Variants in FUT9 observed in about 807,000 individuals in gnomAD.
The protein encoded by FUT9 is fucosyltransferase 9.
Under a neutral mutation model 29.7 loss-of-function variants are expected in FUT9, and 15 were observed. The observed-to-expected ratio is 0.51, with a 90% CI of 0.34 to 0.78. FUT9 has a LOEUF of 0.78. FUT9 is among the 30% of genes least tolerant of loss of function. The pLI is 0.01. For synonymous variants in FUT9, 169 were observed against 153.7 expected, an observed-to-expected ratio of 1.10 and a Z score of -0.74; for missense variants, 319 against 425.4, an observed-to-expected ratio of 0.75 and a Z score of 2.20.
At chr6:96,055,972 A>C (rs914946733) in intron 1 of FUT9, among the ~76,000 whole-genome samples, 1 of 152,084 alleles carries the variant, frequency 6.6e-6, no homozygotes, top group Non-Finnish European at 1.5e-5. Flanking sequence ...TATCAAAATA[A>C]TATTTGAAGT....
At chr6:96,200,907 C>T (rs1413964292) in intron 2 of FUT9, among the ~76,000 whole-genome samples, 5 of 151,848 alleles carry the variant, frequency 3.3e-5, no homozygotes, top group Non-Finnish European at 5.9e-5. Flanking sequence ...AATCACATCA[C>T]GATCTATTTC....
At chr6:96,136,637 C>A (rs1026510967) in intron 2 of FUT9, among the ~76,000 whole-genome samples, 3 of 151,900 alleles carry the variant, frequency 2.0e-5, no homozygotes, top group Non-Finnish European at 2.9e-5. Context: ...AGACTTATAT[C>A]ATGCTTAGGA....
chr6:96,141,173 A>T (rs957007077), intron 2 of FUT9, among the ~76,000 whole-genome samples: 3 of 152,180 alleles, frequency 2.0e-5, no homozygotes, highest in Admixed American at 6.5e-5. Flanking sequence ...TTTAATGATA[A>T]GTTTCTTCTG....
chr6:96,016,965 G>C (rs1296881147), intron 1 of FUT9, among the ~76,000 whole-genome samples: 1 of 152,186 alleles, frequency 6.6e-6, no homozygotes, highest in African/African-American at 2.4e-5. Flanking sequence ...CATTGCTTAG[G>C]TTTGTTCTGT....
At chr6:96,185,860 CAGAGCA>C (rs2127987273) in intron 2 of FUT9, among the ~76,000 whole-genome samples, 1 of 152,120 alleles carries the variant, frequency 6.6e-6, no homozygotes, top group East Asian at 1.9e-4. Context: ...GGAATGAAAT[CAGAGCA>C]AAATATAAGA....
intron 2 of FUT9, among the ~76,000 whole-genome samples, chr6:96,186,669 C>T (rs1773411642): frequency 6.6e-6 from 1 of 151,968 alleles, no homozygotes. Flanking sequence ...AACCTGGAGC[C>T]CCACAAAAGC....
rs1197410165 is a variant in FUT9 at position 96,207,120 on chromosome 6, A to C, written c.*2885A>C. On this transcript the variant is annotated 3_prime_UTR_variant, in exon 3 of 3. Transcript: ENST00000302103. The stretch of plus-strand genomic sequence containing the variant: ...AGTTTTAGAGCTGGAAGGAATTATA[A>C]TTTTGTTGTTTATAATTGCTATAAT... 1 of 166,574 alleles carries C rather than the reference A, an allele frequency of 6.0e-6. No individual in the cohort carries two copies. The highest frequency in any genetic ancestry group is 1.9e-4 in the East Asian group (1 of 5,186). 10.3% of individuals were successfully genotyped at this position (166,574 alleles called of 1,614,324 possible).
intron 2 of FUT9, among the ~76,000 whole-genome samples, chr6:96,123,902 C>T (rs1474823573): frequency 6.6e-6 from 1 of 151,654 alleles, no homozygotes; most frequent in Non-Finnish European, 1.5e-5. Context: ...TTAATGCAAT[C>T]TTCTGCTTGA....
In FUT9 at chr6:96,209,021, T is replaced by G. The variant is rs1773885559; in HGVS notation, c.*4786T>G. ...CATATTGAATATATCCATATTCATA[T>G]GCATTTTATAAAACAGTTAACAGAA... On this transcript the variant is annotated 3_prime_UTR_variant, in exon 3 of 3. Coordinates refer to ENST00000302103, the MANE Select transcript of FUT9 (RefSeq NM_006581.4). The G allele has an allele frequency of 6.0e-6, 1 of 166,844 alleles. No individual in the cohort carries two copies. Among genetic ancestry groups the G allele is most frequent in the Non-Finnish European group, 1.5e-5 (1 of 67,982 alleles). The allele number at this position is 166,844 out of a possible 1,614,324, so 10.3% of individuals were successfully genotyped here. A position where few individuals can be genotyped will look rare whatever the true frequency, so the allele number is the denominator to read the frequency against.
At chr6:96,119,357 A>G (rs1275025102) in intron 2 of FUT9, among the ~76,000 whole-genome samples, 1 of 152,170 alleles carries the variant, frequency 6.6e-6, no homozygotes, top group Non-Finnish European at 1.5e-5. Context: ...GTAACATGCT[A>G]TAAGTTTGTA....
intron 1 of FUT9, among the ~76,000 whole-genome samples, chr6:96,093,748 T>A (rs914947638): frequency 1.3e-5 from 2 of 152,150 alleles, no homozygotes; most frequent in Non-Finnish European, 2.9e-5. Context: ...CAAAATGAAC[T>A]TTTAAAATAT....
chr6:96,141,395 C>T (rs6920111), intron 2 of FUT9, among the ~76,000 whole-genome samples: 26,686 of 152,148 alleles, frequency 0.18, 2,717 homozygotes, highest in East Asian at 0.31. Flanking sequence ...CTCTCTGTAT[C>T]TTTCTATTAG....
At chr6:96,103,977 GC>G (rs1466151552) in intron 1 of FUT9, among the ~76,000 whole-genome samples, 4 of 152,170 alleles carry the variant, frequency 2.6e-5, no homozygotes, top group African/African-American at 9.7e-5. Context: ...TTTTAGGGGT[GC>G]CATAATTCAA....
At chr6:96,173,954 T>A in intron 2 of FUT9, among the ~76,000 whole-genome samples, 1 of 152,256 alleles carries the variant, frequency 6.6e-6, no homozygotes, top group Non-Finnish European at 1.5e-5. Flanking sequence ...TTGATTGTTT[T>A]TTAGTTTTTA....
chr6:96,081,540 T>C (rs1771236827), intron 1 of FUT9, among the ~76,000 whole-genome samples: 1 of 151,882 alleles, frequency 6.6e-6, no homozygotes, highest in Admixed American at 6.6e-5. Flanking sequence ...TAAATTCTAA[T>C]ATGGGTAAAT....
intron 2 of FUT9, among the ~76,000 whole-genome samples, chr6:96,145,755 A>G (rs372352141): frequency 5.9e-5 from 9 of 152,226 alleles, no homozygotes; most frequent in African/African-American, 1.7e-4. Context: ...ACAGCAAGAA[A>G]TGATGTTGAT....
intron 1 of FUT9, among the ~76,000 whole-genome samples, chr6:96,078,933 T>A (rs533790495): frequency 6.6e-6 from 1 of 152,260 alleles, no homozygotes; most frequent in East Asian, 1.9e-4. Context: ...CGCCAACCAT[T>A]CTGTTTCTGA....
intron 1 of FUT9, among the ~76,000 whole-genome samples, chr6:96,048,487 T>C (rs761752623): frequency 6.6e-6 from 1 of 152,148 alleles, no homozygotes; most frequent in Non-Finnish European, 1.5e-5. Context: ...GTGTAAGATG[T>C]AAGGAAGGAT....
At chr6:96,054,961 A>G (rs1770735852) in intron 1 of FUT9, among the ~76,000 whole-genome samples, 1 of 152,094 alleles carries the variant, frequency 6.6e-6, no homozygotes, top group Non-Finnish European at 1.5e-5. Context: ...TCTTCATTAG[A>G]TTTCCAAGGA....
Sources: gnomAD v4.1 joint callset for allele counts (sites outside exome capture counted in the v4.1 genomes callset) on GRCh38, gnomAD v4.1.1 for gene constraint, MANE v1.5 for transcripts, NCBI Gene and HGNC (gene_info 2026-07-23, HGNC 2026-07-21) for gene names.